ZNF142: variants seen among roughly 807,000 people sequenced by gnomAD.
The protein encoded by ZNF142 is zinc finger protein 142.
In ZNF142, 96 loss-of-function variants were observed where a neutral mutation model predicts 132.1. The observed-to-expected ratio is 0.73, with a 90% CI of 0.62 to 0.86. The LOEUF is 0.86. Ranked by LOEUF, ZNF142 falls within the 40% of genes least tolerant of loss-of-function variation. ZNF142 has a pLI of 0.00. For synonymous variants in ZNF142, 842 were observed against 890.1 expected (o/e 0.95, Z 0.96); for missense variants, 2,163 against 2,336.2 (o/e 0.93, Z 1.53).
In ZNF142 at chr2:218,640,771, T is replaced by C. The variant is rs1697117227; in HGVS notation, c.5089-2A>G. The C allele has an allele frequency of 1.2e-6, 2 of 1,613,814 alleles. No individual in the cohort carries two copies. The highest frequency in any genetic ancestry group is 1.1e-5 in the South Asian group (1 of 91,054). On this transcript the variant is annotated splice_acceptor_variant, in intron 9 of 10. Transcript: ENST00000411696. LOFTEE classifies it high-confidence loss of function. ...CTCCTTGTGGATCCGCATGTGGTAC[T>C]GGAAGAGGCAAGAGCAAAAAGCAGA...
Position 218,638,581 on chromosome 2 carries a change from G to C in ZNF142, c.5422C>G (p.Leu1808Val). 6.2e-7 allele frequency: 1 copy of C among 1,612,570 alleles called. No homozygotes were observed. Among genetic ancestry groups the C allele is most frequent in the Non-Finnish European group, 8.5e-7 (1 of 1,178,730 alleles). ...GTGTGGGTGAGGGCATGATGGCGCA[G>C]GCCAGCAGCCCAGCGGAAAGCACGG... ...CHRAFRWAAG[L>V]RHHALTHTDR... Residue 1808 changes from leucine (L) to valine (V), a missense_variant, in exon 11 of 11, where the codon CTG (leucine) becomes GTG (valine). Leu to Val is a conservative substitution (Grantham distance 32). Around this residue, in one of 7 missense-constraint regions of ZNF142, gnomAD observed 325 missense variants for 367.8 expected, o/e 0.88. Transcript: ENST00000411696.
Position 218,656,382 on chromosome 2 carries a change from C to CA in ZNF142, c.47_48insT (p.Glu16AspfsTer8). On this transcript the variant is annotated frameshift_variant, in exon 4 of 11. Transcript: ENST00000411696. LOFTEE classifies it high-confidence loss of function. Reference sequence around the variant, plus strand: ...ATAGCTCAGGGCACAGTCCATCCATCTCCCCGGTGCTACTGGCTGGCTGTG... The same window carrying CA: ...ATAGCTCAGGGCACAGTCCATCCATCATCCCCGGTGCTACTGGCTGGCTGTG... The CA allele has an allele frequency of 6.9e-7, 1 of 1,455,384 alleles. No individual in the cohort carries two copies. Among genetic ancestry groups the CA allele is most frequent in the Non-Finnish European group, 9.2e-7 (1 of 1,089,700 alleles). The allele number at this position is 1,455,384 out of a possible 1,614,324, so 90.2% of individuals were successfully genotyped here.
In ZNF142 at chr2:218,654,022, A is replaced by AT. The variant is rs1938255455; in HGVS notation, c.281-1723dup. ...CATCACCATTCCTGGCTAATTTTAA[A>AT]TTTTTTTGTAGAGATGGGGTCTCCC... On this transcript the variant is annotated intron_variant, in intron 4 of 10. Transcript: ENST00000411696. 2.6e-5 allele frequency among the ~76,000 whole-genome samples: 4 copies of AT among 151,930 alleles called. No homozygotes were observed. The South Asian group carries it at 6.2e-4, about 24-fold the overall frequency.
chr2:218,642,947 C>T lies in ZNF142; in HGVS notation c.4169G>A (p.Arg1390Gln), dbSNP rs201360593. 529 of 1,613,632 alleles carry T rather than the reference C, an allele frequency of 3.3e-4. No individual in the cohort carries two copies. Among genetic ancestry groups the T allele is most frequent in the Non-Finnish European group, 3.0e-4 (353 of 1,179,926 alleles). ...CTTCACCCCCTCGTGCTTGAGCCGCCGGTGCTGCTGCATGCAACGGCTCTG... is the reference window on the plus strand; with the variant it reads ...CTTCACCCCCTCGTGCTTGAGCCGCTGGTGCTGCTGCATGCAACGGCTCTG... ...CKQSRCMQQH[R>Q]RLKHEGVKPH... The change falls in exon 9 of 11, where the codon CGG becomes CAG. Residue 1390 changes from arginine to glutamine, a missense_variant. By Grantham distance (43) the Arg-to-Gln change is conservative (BLOSUM62 1). Transcript: ENST00000411696. The surrounding 1 kb of genome is among the most constrained non-coding windows in gnomAD (Gnocchi z 4.6).
rs895189759 is a variant in ZNF142 at position 218,635,606 on chromosome 2, T to C, written c.*2733A>G. ...CCTCGGCCTCCTGAAGTGTTGGGAT[T>C]ACAGGTGTGAGCCACCGTGCCCGGC... On this transcript the variant is annotated 3_prime_UTR_variant, in exon 11 of 11. Coordinates refer to ENST00000411696, the MANE Select transcript of ZNF142 (RefSeq NM_001379659.1). 6.6e-6 allele frequency among the ~76,000 whole-genome samples: 1 copy of C among 152,212 alleles called. No individual in the cohort carries two copies. The highest frequency in any genetic ancestry group is 6.5e-5 in the Admixed American group (1 of 15,284).
At position 218,656,287 on chromosome 2, in the gene ZNF142, T is replaced by A. The variant is rs1237488112; in HGVS notation, c.143A>T (p.Asp48Val). 2 of 1,612,872 alleles carry A rather than the reference T, an allele frequency of 1.2e-6. No individual in the cohort carries two copies. The highest frequency in any genetic ancestry group is 3.3e-5 in the Admixed American group (2 of 59,890). Residue 48 changes from aspartate (D) to valine (V), a missense_variant, in exon 4 of 11, where the codon GAC becomes GTC. Physicochemically the swap from Asp to Val is radical, Grantham distance 152. Around this residue, in one of 7 missense-constraint regions of ZNF142, gnomAD observed 195 missense variants for 172.4 expected, o/e 1.13. Transcript: ENST00000411696. ...TGGCTCAGTAGGTATAGGTGCAGGGTCCCGGGAAGGACAGGGGCTCTGGAC... is the reference window on the plus strand; with the variant it reads ...TGGCTCAGTAGGTATAGGTGCAGGGACCCGGGAAGGACAGGGGCTCTGGAC... ...GPVQSPCPSR[D>V]PAPIPTEPGC...
chr2:218,634,592 C>G lies in ZNF142; in HGVS notation c.*3747G>C, dbSNP rs375852416. 6.2e-7 allele frequency: 1 copy of G among 1,614,038 alleles called. No homozygotes were observed. Among genetic ancestry groups the G allele is most frequent in the Non-Finnish European group, 8.5e-7 (1 of 1,179,886 alleles). On this transcript the variant is annotated 3_prime_UTR_variant, in exon 11 of 11. Transcript: ENST00000411696. The surrounding 1 kb of genome is among the most constrained non-coding windows in gnomAD (Gnocchi z 4.0). Reference sequence around the variant, plus strand: ...CCAGAGTTCTTTCCACCCTGAGAAGCCCATCAGCCCTTTCAAAGCCCAGAC... The same window carrying G: ...CCAGAGTTCTTTCCACCCTGAGAAGGCCATCAGCCCTTTCAAAGCCCAGAC...
Position 218,636,873 on chromosome 2 carries a change from C to A in ZNF142, c.*1466G>T. The A allele has an allele frequency of 2.0e-6, 1 of 494,712 alleles. No individual in the cohort carries two copies. Among genetic ancestry groups the A allele is most frequent in the Non-Finnish European group, 4.0e-6 (1 of 252,774 alleles). 30.6% of individuals were successfully genotyped at this position (494,712 alleles called of 1,614,324 possible). On this transcript the variant is annotated 3_prime_UTR_variant, in exon 11 of 11. Coordinates refer to ENST00000411696, the MANE Select transcript of ZNF142 (RefSeq NM_001379659.1). Reference sequence around the variant, plus strand: ...CTCTTGCTGTAGGCTCAATCCCATACCGACATCTACAACTAATCTTTCCCA... The same window carrying A: ...CTCTTGCTGTAGGCTCAATCCCATAACGACATCTACAACTAATCTTTCCCA...
chr2:218,633,683 C>T lies in ZNF142; in HGVS notation c.*4656G>A, dbSNP rs765938168. ...GTCTGTCTCATTCCGCAGCTTCACACATTCAAAGGAGCACTACCACTTCTA... is the reference window on the plus strand; with the variant it reads ...GTCTGTCTCATTCCGCAGCTTCACATATTCAAAGGAGCACTACCACTTCTA... On this transcript the variant is annotated 3_prime_UTR_variant, in exon 11 of 11. Transcript: ENST00000411696. 1.4e-5 allele frequency: 23 copies of T among 1,613,650 alleles called. No homozygotes were observed. Among genetic ancestry groups the T allele is most frequent in the Non-Finnish European group, 1.9e-5 (23 of 1,179,566 alleles).
chr2:218,639,419 G>C (rs1243367248), intron 10 of ZNF142, among the ~76,000 whole-genome samples: 1 of 152,180 alleles, frequency 6.6e-6, no homozygotes, highest in Non-Finnish European at 1.5e-5. Context: ...TGACAGTAAT[G>C]AATACTCAAA....
Position 218,638,719 on chromosome 2 carries a change from C to T in ZNF142, c.5284G>A (p.Ala1762Thr). The T allele has an allele frequency of 6.2e-7, 1 of 1,613,946 alleles. No individual in the cohort carries two copies. Among genetic ancestry groups the T allele is most frequent in the Non-Finnish European group, 8.5e-7 (1 of 1,180,048 alleles). ...RVHQETRHRE[A>T]RAFMCEQCGK... ...CACTGCTCACACATGAAAGCCCGTG[C>T]TTCTCGATGCCGGGTCTCCTGGTGC... Residue 1762 changes from alanine (A) to threonine (T), a missense_variant, in exon 11 of 11, where the codon GCA (alanine) becomes ACA (threonine). Transcript: ENST00000411696.
rs781183449 is a variant in ZNF142 at position 218,633,721 on chromosome 2, T to A, written c.*4618A>T. The A allele has an allele frequency of 2.5e-6, 4 of 1,614,008 alleles. No homozygotes were observed. The South Asian group carries it at 4.4e-5, about 18-fold the overall frequency. ...ACTACCACTTCTACGAGATATCATC[T>A]TTCTCTGAAACCAAGGCCAAGCGCC... On this transcript the variant is annotated 3_prime_UTR_variant, in exon 11 of 11. Coordinates refer to ENST00000411696, the MANE Select transcript of ZNF142 (RefSeq NM_001379659.1).
rs543204290 is a variant in ZNF142, at chr2:218,633,334, A to G, written c.*5005T>C. On this transcript the variant is annotated 3_prime_UTR_variant, in exon 11 of 11. Coordinates refer to ENST00000411696, the MANE Select transcript of ZNF142 (RefSeq NM_001379659.1). ...AGCAAACACAAGCCCAGAGGTTGAC[A>G]CTGATCCCAGCAGTACATGCAGACC... 78 of 702,774 alleles carry G rather than the reference A, an allele frequency of 1.1e-4. No individual in the cohort carries two copies. In the East Asian group the frequency reaches 2.0e-3, roughly 18 times the overall value. 43.5% of individuals were successfully genotyped at this position (702,774 alleles called of 1,614,324 possible).
chr2:218,657,886 C>A (rs376595185), intron 3 of ZNF142, among the ~76,000 whole-genome samples: 1 of 152,150 alleles, frequency 6.6e-6, no homozygotes, highest in East Asian at 1.9e-4. Context: ...ATTATCACTT[C>A]AATGATATTA....
At chr2:218,658,388 A>T (rs1938818374) in intron 3 of ZNF142, among the ~76,000 whole-genome samples, 2 of 152,122 alleles carry the variant, frequency 1.3e-5, no homozygotes, top group Non-Finnish European at 2.9e-5. Context: ...AAAAATACAA[A>T]AAATCAGCAG....
At position 218,638,665 on chromosome 2, in the gene ZNF142, G is replaced by A; in HGVS notation, c.5338C>T (p.Leu1780=). 1.9e-6 allele frequency: 3 copies of A among 1,614,232 alleles called. No homozygotes were observed. Among genetic ancestry groups the A allele is most frequent in the Non-Finnish European group, 2.5e-6 (3 of 1,180,042 alleles). ...CTGTGCTTGCGAAGGTGGGTGCGCAGCAGGAAGCGCGTCTTGAAGGCCTTG... is the reference window on the plus strand; with the variant it reads ...CTGTGCTTGCGAAGGTGGGTGCGCAACAGGAAGCGCGTCTTGAAGGCCTTG... ...CGKAFKTRFL[L]RTHLRKHSEA... is the part of the protein sequence containing the mutation. The change falls in exon 11 of 11, where the codon CTG becomes TTG. Residue 1780 remains leucine, a synonymous_variant. Coordinates refer to ENST00000411696, the MANE Select transcript of ZNF142 (RefSeq NM_001379659.1).
chr2:218,648,267 C>A (rs1183975404), intron 7 of ZNF142, among the ~76,000 whole-genome samples: 1 of 152,246 alleles, frequency 6.6e-6, no homozygotes, highest in Non-Finnish European at 1.5e-5. Flanking sequence ...GCCCGTCTCT[C>A]TTAGCATATC....
Position 218,638,758 on chromosome 2 carries a change from C to T in ZNF142, c.5245G>A (p.Asp1749Asn). 1 of 1,610,512 alleles carries T rather than the reference C, an allele frequency of 6.2e-7. No homozygotes were observed. Among genetic ancestry groups the T allele is most frequent in the Non-Finnish European group, 8.5e-7 (1 of 1,179,928 alleles). Residue 1749 changes from aspartate (D) to asparagine (N), a missense_variant, in exon 11 of 11, where the codon GAT becomes AAT. This residue lies in a region of ZNF142 where 325 missense variants were observed against 367.8 expected (regional missense o/e 0.88). Coordinates refer to ENST00000411696, the MANE Select transcript of ZNF142 (RefSeq NM_001379659.1). The stretch of plus-strand genomic sequence containing the variant: ...GTCTCCTGGTGCACACGCAGTGCAT[C>T]AGCCCGGTTGGTGCAGTACTCACAC... ...PECEYCTNRA[D>N]ALRVHQETRH...
chr2:218,646,105 T>A (rs1697701958), intron 8 of ZNF142, 66 bp downstream of exon 8: 3 of 1,569,698 alleles, frequency 1.9e-6, no homozygotes, highest in South Asian at 2.4e-5. Context: ...AGAAGTTAGA[T>A]CCGAGAGGAA....
Sources: allele counts gnomAD v4.1 joint callset (sites outside exome capture counted in the v4.1 genomes callset), GRCh38; gene constraint gnomAD v4.1.1; regional missense constraint gnomAD v4.1.1; non-coding constraint Gnocchi (gnomAD v3.1); transcripts MANE v1.5; gene names NCBI Gene and HGNC (gene_info 2026-07-23, HGNC 2026-07-21).